Variants in SAMD4A observed in about 807,000 individuals in gnomAD.
SAMD4A encodes the protein sterile alpha motif domain containing 4A.
A neutral mutation model predicts 81.3 loss-of-function variants in SAMD4A; 33 were observed. That is an observed-to-expected ratio of 0.41 (90% CI 0.31 to 0.54). The LOEUF (loss-of-function observed/expected upper bound fraction) is 0.54, where lower values mean the gene tolerates loss of function less well. SAMD4A is among the 20% of genes least tolerant of loss of function. The pLI is 0.37. For missense variants in SAMD4A, 854 were observed against 951.1 expected, an observed-to-expected ratio of 0.90 and a Z score of 1.34; for synonymous variants, 389 against 382.1, an observed-to-expected ratio of 1.02 and a Z score of -0.21.
intron 3 of SAMD4A, among the ~76,000 whole-genome samples, chr14:54,736,522 T>C (rs147741682): frequency 6.6e-5 from 10 of 152,320 alleles, no homozygotes; most frequent in African/African-American, 2.4e-4. Flanking sequence ...TTAGTCCACC[T>C]TCTTCTGGTT....
rs1045834788 is a variant in SAMD4A at position 54,681,802 on chromosome 14, G to A, written c.197-20260G>A. Reference sequence around the variant, plus strand: ...AAATGAAAAATATGCAGGGAGATGAGTTTAGCAGGGCTTAAGTTCAAACAA... The same window carrying A: ...AAATGAAAAATATGCAGGGAGATGAATTTAGCAGGGCTTAAGTTCAAACAA... On this transcript the variant is annotated intron_variant, in intron 2 of 12. Coordinates refer to ENST00000554335, the MANE Select transcript of SAMD4A (RefSeq NM_015589.6). The A allele has an allele frequency of 1.1e-5, 11 of 985,186 alleles. No homozygotes were observed. The African/African-American group carries it at 1.9e-4, about 17-fold the overall frequency. The allele number at this position is 985,186 out of a possible 1,614,324, so 61.0% of individuals were successfully genotyped here.
chr14:54,786,815 TTC>T (rs1335875928), intron 12 of SAMD4A, among the ~76,000 whole-genome samples: 4 of 152,244 alleles, frequency 2.6e-5, no homozygotes, highest in Admixed American at 2.0e-4. Context: ...TTTCAGTCTG[TTC>T]TGTTTTTACA....
At chr14:54,742,846 A>G (rs1264321775) in intron 4 of SAMD4A, among the ~76,000 whole-genome samples, 1 of 152,248 alleles carries the variant, frequency 6.6e-6, no homozygotes, top group Non-Finnish European at 1.5e-5. Context: ...ATAGCAATTA[A>G]GAGTGGAGGG....
chr14:54,713,603 G>A (rs950375236), intron 3 of SAMD4A, among the ~76,000 whole-genome samples: 4 of 152,192 alleles, frequency 2.6e-5, no homozygotes, highest in African/African-American at 9.7e-5. Flanking sequence ...GCCAATGGGA[G>A]CACAGGGTTT....
In SAMD4A at chr14:54,775,044, C is replaced by T; in HGVS notation, c.1826C>T (p.Ala609Val). 1 of 1,614,220 alleles carries T rather than the reference C, an allele frequency of 6.2e-7. No individual in the cohort carries two copies. The highest frequency in any genetic ancestry group is 8.5e-7 in the Non-Finnish European group (1 of 1,180,046). Reference sequence around the variant, plus strand: ...ATCCCCTCTCGGAACGTCCCTTCCGCCCGCCTGGGCCTCTTGGGCACCAGT... The same window carrying T: ...ATCCCCTCTCGGAACGTCCCTTCCGTCCGCCTGGGCCTCTTGGGCACCAGT... ...YQIPSRNVPSARLGLLGTSGF... is the reference protein window; with the variant it reads ...YQIPSRNVPSVRLGLLGTSGF... Residue 609 changes from alanine to valine, a missense_variant, in exon 10 of 13, where the codon GCC becomes GTC. By Grantham distance (64) the Ala-to-Val change is moderately conservative. Coordinates refer to ENST00000554335, the MANE Select transcript of SAMD4A (RefSeq NM_015589.6).
chr14:54,593,118 G>A (rs553398670), intron 2 of SAMD4A, among the ~76,000 whole-genome samples: 18 of 152,218 alleles, frequency 1.2e-4, no homozygotes, highest in African/African-American at 4.3e-4. Context: ...TTCTGAATGT[G>A]CTATTTGTAA....
intron 2 of SAMD4A, among the ~76,000 whole-genome samples, chr14:54,570,767 C>T (rs1260414949): frequency 2.0e-5 from 3 of 152,152 alleles, no homozygotes; most frequent in African/African-American, 7.2e-5. Context: ...AGGAAATGTT[C>T]AATATACTTT....
chr14:54,765,961 G>T (rs561965965), intron 8 of SAMD4A, among the ~76,000 whole-genome samples: 98 of 152,232 alleles, frequency 6.4e-4, no homozygotes, highest in Non-Finnish European at 1.3e-3. Flanking sequence ...TGCCCAAGCG[G>T]CTCTGGCCAA....
At chr14:54,580,705 T>C (rs1426587075) in intron 2 of SAMD4A, among the ~76,000 whole-genome samples, 2 of 151,880 alleles carry the variant, frequency 1.3e-5, no homozygotes, top group Non-Finnish European at 2.9e-5. Flanking sequence ...GGCTTGCTGG[T>C]GCCCTGCTGA....
intron 3 of SAMD4A, among the ~76,000 whole-genome samples, chr14:54,721,283 G>A (rs1416846428): frequency 2.0e-5 from 3 of 152,196 alleles, no homozygotes; most frequent in African/African-American, 7.2e-5. Flanking sequence ...ATGAGTGAAT[G>A]TGCACATCAA....
rs61977001 is a variant in SAMD4A, at chr14:54,735,104, C to T, written c.716-1920C>T. On this transcript the variant is annotated intron_variant, in intron 3 of 12. Coordinates refer to ENST00000554335, the MANE Select transcript of SAMD4A (RefSeq NM_015589.6). The stretch of plus-strand genomic sequence containing the variant: ...TCCCAGCACTCAGGGCAGCCGTAAA[C>T]AGTCTGCCCAATTTTATATAAATAC... The T allele has an allele frequency of 1.3e-5, 2 of 152,212 alleles. 1 individual carries two copies. Among genetic ancestry groups the T allele is most frequent in the Admixed American group, 1.3e-4 (2 of 15,282 alleles). The allele number at this position is 152,212 out of a possible 1,614,324, so 9.4% of individuals were successfully genotyped here.
chr14:54,680,868 G>A (rs190953380), intron 2 of SAMD4A, among the ~76,000 whole-genome samples: 9 of 152,258 alleles, frequency 5.9e-5, no homozygotes, highest in East Asian at 3.9e-4. Flanking sequence ...CGACACACCC[G>A]ATTCACTCCC....
intron 11 of SAMD4A, among the ~76,000 whole-genome samples, chr14:54,780,411 A>G (rs183433990): frequency 3.3e-5 from 5 of 152,142 alleles, no homozygotes; most frequent in Admixed American, 2.6e-4. Context: ...GTTATTTTTC[A>G]TTTCCTTCCG....
chr14:54,731,464 G>A (rs1160112190), intron 3 of SAMD4A, among the ~76,000 whole-genome samples: 2 of 152,118 alleles, frequency 1.3e-5, no homozygotes, highest in Non-Finnish European at 1.5e-5. Context: ...CAGGGAATTG[G>A]CCAGGACCTC....
chr14:54,582,852 A>G (rs1348345175), intron 2 of SAMD4A, among the ~76,000 whole-genome samples: 1 of 152,234 alleles, frequency 6.6e-6, no homozygotes, highest in Admixed American at 6.5e-5. Context: ...ATGTTTATAT[A>G]TAAGGTGACA....
At chr14:54,613,683 G>C (rs1325658660) in intron 2 of SAMD4A, among the ~76,000 whole-genome samples, 1 of 152,160 alleles carries the variant, frequency 6.6e-6, no homozygotes, top group African/African-American at 2.4e-5. Context: ...TTCTTTGCAA[G>C]ATTATTTCAC....
At chr14:54,641,787 T>G (rs1460943932) in intron 2 of SAMD4A, among the ~76,000 whole-genome samples, 2 of 152,172 alleles carry the variant, frequency 1.3e-5, no homozygotes, top group Admixed American at 1.3e-4. Context: ...AAGAAGTCAG[T>G]AAGTTTATTG....
chr14:54,626,015 G>GGTGT lies in SAMD4A; in HGVS notation c.196+57945_196+57948dup, dbSNP rs71446501. Among the ~76,000 whole-genome samples the GGTGT allele has an allele frequency of 6.8e-3, 898 of 131,732 alleles. 9 individuals carry two copies. The highest frequency in any genetic ancestry group is 0.016 in the Middle Eastern group (4 of 258). 86.4% of individuals were successfully genotyped at this position (131,732 alleles called of 152,430 possible). ...TTACAGAATAGCAGCTCTACTGCTA[G>GGTGT]GTGTGTGTGTGTGTGTGTGTGTGTG... On this transcript the variant is annotated intron_variant, in intron 2 of 12. Transcript: ENST00000554335.
intron 2 of SAMD4A, among the ~76,000 whole-genome samples, chr14:54,646,840 C>T (rs988776128): frequency 1.3e-5 from 2 of 152,192 alleles, no homozygotes; most frequent in African/African-American, 2.4e-5. Context: ...GCCCGTTTAA[C>T]CACTTTCACA....
Sources: gnomAD v4.1 joint callset for allele counts (sites outside exome capture counted in the v4.1 genomes callset) on GRCh38, gnomAD v4.1.1 for gene constraint, MANE v1.5 for transcripts, NCBI Gene and HGNC (gene_info 2026-07-23, HGNC 2026-07-21) for gene names.